The following LRFN2 variants were observed in gnomAD, a reference collection of about 807,000 sequenced individuals.
LRFN2 encodes leucine rich repeat and fibronectin type III domain containing 2, also known as leucine-rich repeat and fibronectin type-III domain-containing protein 2.
LRFN2 carries 18 observed loss-of-function variants against 37.3 expected under a neutral mutation model. The observed-to-expected ratio is 0.48, with a 90% CI of 0.33 to 0.72. The LOEUF is 0.72. Among genes scored for constraint, LRFN2 ranks in the 30% least tolerant of loss-of-function variants. The pLI is 0.02. For synonymous variants in LRFN2, 556 were observed against 466.6 expected, an observed-to-expected ratio of 1.19 and a Z score of -2.47; for missense variants, 1,006 against 1,060.7, an observed-to-expected ratio of 0.95 and a Z score of 0.72.
intron 2 of LRFN2, among the ~76,000 whole-genome samples, chr6:40,410,378 G>T (rs1024927765): frequency 5.9e-5 from 9 of 152,146 alleles, no homozygotes; most frequent in African/African-American, 1.7e-4. Flanking sequence ...TGGGGTTGTG[G>T]AAGTAGGGGC....
At chr6:40,542,791 A>G (rs1447081645) in intron 1 of LRFN2, among the ~76,000 whole-genome samples, 1 of 152,180 alleles carries the variant, frequency 6.6e-6, no homozygotes, top group Non-Finnish European at 1.5e-5. Context: ...CCTTGAGCCC[A>G]TCCCCAGAGG....
At chr6:40,445,208 G>T (rs77519056) in intron 1 of LRFN2, among the ~76,000 whole-genome samples, 2 of 152,202 alleles carry the variant, frequency 1.3e-5, no homozygotes, top group Non-Finnish European at 1.5e-5. Flanking sequence ...TATCTACAGG[G>T]TGTCTGGTGT....
At chr6:40,431,165 T>C (rs1210281548) in intron 2 of LRFN2, among the ~76,000 whole-genome samples, 1 of 151,974 alleles carries the variant, frequency 6.6e-6, no homozygotes, top group African/African-American at 2.4e-5. Context: ...ATTTAGTGAG[T>C]GTCCAAACTA....
At chr6:40,446,014 AAGG>A (rs1266004841) in intron 1 of LRFN2, among the ~76,000 whole-genome samples, 13 of 152,338 alleles carry the variant, frequency 8.5e-5, no homozygotes, top group African/African-American at 3.1e-4. Flanking sequence ...GGCTGTTCTC[AAGG>A]AGAAGCTTTG....
At chr6:40,457,597 C>T (rs775358805) in intron 1 of LRFN2, among the ~76,000 whole-genome samples, 51 of 144,740 alleles carry the variant, frequency 3.5e-4, no homozygotes, top group Non-Finnish European at 6.4e-4. Context: ...CATGATCATA[C>T]CTCTGCACTC....
chr6:40,583,634 T>C (rs923998180), intron 1 of LRFN2, among the ~76,000 whole-genome samples: 5 of 152,242 alleles, frequency 3.3e-5, no homozygotes, highest in Admixed American at 2.0e-4. Flanking sequence ...CATGCTGCTG[T>C]GCCCTTCCAA....
chr6:40,553,614 C>G (rs1458488764), intron 1 of LRFN2, among the ~76,000 whole-genome samples: 1 of 152,080 alleles, frequency 6.6e-6, no homozygotes, highest in East Asian at 1.9e-4. Flanking sequence ...GAGATCAGAG[C>G]CAGCACATAG....
At chr6:40,497,224 C>T (rs1765249488) in intron 1 of LRFN2, among the ~76,000 whole-genome samples, 1 of 152,198 alleles carries the variant, frequency 6.6e-6, no homozygotes, top group Admixed American at 6.5e-5. Flanking sequence ...TTCAGAGCCC[C>T]TCTGCAGTTC....
intron 1 of LRFN2, among the ~76,000 whole-genome samples, chr6:40,566,506 T>TG (rs1377947392): frequency 4.2e-4 from 64 of 152,174 alleles, no homozygotes; most frequent in African/African-American, 1.5e-3. Context: ...AATGATAGAC[T>TG]GGATTAAGAA....
intron 2 of LRFN2, among the ~76,000 whole-genome samples, chr6:40,418,081 T>C (rs1763137698): frequency 6.6e-6 from 1 of 152,218 alleles, no homozygotes; most frequent in East Asian, 1.9e-4. Context: ...GGCCTCATCA[T>C]GGCCAGCAAG....
intron 2 of LRFN2, among the ~76,000 whole-genome samples, chr6:40,399,401 A>G (rs1375618732): frequency 7.0e-6 from 1 of 143,842 alleles, no homozygotes; most frequent in Non-Finnish European, 1.5e-5. Context: ...CAAACCCTGT[A>G]CTGAATTCTC....
At chr6:40,569,841 C>T (rs1443128955) in intron 1 of LRFN2, among the ~76,000 whole-genome samples, 1 of 152,138 alleles carries the variant, frequency 6.6e-6, no homozygotes, top group Admixed American at 6.5e-5. Flanking sequence ...TCAACTTCCC[C>T]ACCAAGACTA....
At position 40,461,627 on chromosome 6, in the gene LRFN2, T is replaced by C. The variant is rs1236631843; in HGVS notation, c.-18-28496A>G. On this transcript the variant is annotated intron_variant, in intron 1 of 2. Transcript: ENST00000338305. Reference sequence around the variant, plus strand: ...CCTCCCTTCAACAGAGCCTATATTATAGTTTGGGGAGACAGAATACACGAG... The same window carrying C: ...CCTCCCTTCAACAGAGCCTATATTACAGTTTGGGGAGACAGAATACACGAG... 2.8e-5 allele frequency among the ~76,000 whole-genome samples: 4 copies of C among 141,592 alleles called. No individual in the cohort carries two copies. In the East Asian group the frequency reaches 8.3e-4, roughly 29 times the overall value. The allele number at this position is 141,592 out of a possible 152,430, so 92.9% of individuals were successfully genotyped here. A position where few individuals can be genotyped will look rare whatever the true frequency, so the allele number is the denominator to read the frequency against.
intron 1 of LRFN2, among the ~76,000 whole-genome samples, chr6:40,481,070 T>C (rs1186191974): frequency 6.6e-6 from 1 of 152,174 alleles, no homozygotes; most frequent in Non-Finnish European, 1.5e-5. Flanking sequence ...CAATTGCTGA[T>C]GGGCCCCTGA....
chr6:40,426,848 C>A (rs1292975032), intron 2 of LRFN2, among the ~76,000 whole-genome samples: 1 of 152,168 alleles, frequency 6.6e-6, no homozygotes. Flanking sequence ...ACTGTGCCAT[C>A]CCAGATTAAA....
At chr6:40,532,945 T>TAA (rs1402803927) in intron 1 of LRFN2, among the ~76,000 whole-genome samples, 22 of 152,200 alleles carry the variant, frequency 1.4e-4, no homozygotes, top group African/African-American at 5.1e-4. Context: ...ACCTGGACTA[T>TAA]GGGTCAAGTA....
chr6:40,573,897 G>T (rs984221657), intron 1 of LRFN2, among the ~76,000 whole-genome samples: 4 of 152,210 alleles, frequency 2.6e-5, no homozygotes, highest in Non-Finnish European at 5.9e-5. Flanking sequence ...GGAGGCAGAG[G>T]TTGCAGTGAG....
intron 1 of LRFN2, among the ~76,000 whole-genome samples, chr6:40,579,448 G>T: frequency 6.6e-6 from 1 of 152,072 alleles, no homozygotes; most frequent in East Asian, 1.9e-4. Flanking sequence ...GGTAGAGCAG[G>T]GTGGGAAAGC....
At chr6:40,563,310 G>T (rs1294579151) in intron 1 of LRFN2, among the ~76,000 whole-genome samples, 2 of 152,118 alleles carry the variant, frequency 1.3e-5, no homozygotes, top group Admixed American at 1.3e-4. Context: ...ACAGCAGCAG[G>T]GACAGCTGCC....
Sources: gnomAD v4.1 joint callset for allele counts (sites outside exome capture counted in the v4.1 genomes callset) on GRCh38, gnomAD v4.1.1 for gene constraint, MANE v1.5 for transcripts, NCBI Gene and HGNC (gene_info 2026-07-23, HGNC 2026-07-21) for gene names.